ATP11B: variants seen among roughly 807,000 people sequenced by gnomAD.
ATP11B encodes the protein ATPase phospholipid transporting 11B (putative).
In ATP11B, 81 loss-of-function variants were observed where a neutral mutation model predicts 157.8. That is an observed-to-expected ratio of 0.51 (90% CI 0.43 to 0.62). ATP11B has a LOEUF of 0.62. Ranked by LOEUF, ATP11B falls within the 20% of genes least tolerant of loss-of-function variation. The pLI is 0.00. For synonymous variants in ATP11B, 451 were observed against 469.4 expected, an observed-to-expected ratio of 0.96 and a Z score of 0.51; for missense variants, 1,165 against 1,402.2, an observed-to-expected ratio of 0.83 and a Z score of 2.70.
At chr3:182,803,777 T>G (rs1716155404) in intron 1 of ATP11B, among the ~76,000 whole-genome samples, 1 of 152,228 alleles carries the variant, frequency 6.6e-6, no homozygotes, top group Non-Finnish European at 1.5e-5. Context: ...TTGTTTGCCT[T>G]CTCTGTCATA....
Position 182,919,782 on chromosome 3 carries a change from T to G in ATP11B, c.*1678T>G, listed in dbSNP as rs1725353261. The stretch of plus-strand genomic sequence containing the variant: ...TTCTTGCTAATGTAACATTTGTCTG[T>G]TCCAGTGATGTAAGGATATTAAGTT... On this transcript the variant is annotated 3_prime_UTR_variant, in exon 30 of 30. Coordinates refer to ENST00000323116, the MANE Select transcript of ATP11B (RefSeq NM_014616.3). 2 of 152,244 alleles carry G rather than the reference T, an allele frequency of 1.3e-5. No homozygotes were observed. Among genetic ancestry groups the G allele is most frequent in the African/African-American group, 4.8e-5 (2 of 41,470 alleles). 9.4% of individuals were successfully genotyped at this position (152,244 alleles called of 1,614,324 possible).
At chr3:182,801,657 A>G (rs1414850455) in intron 1 of ATP11B, among the ~76,000 whole-genome samples, 1 of 152,176 alleles carries the variant, frequency 6.6e-6, no homozygotes, top group Non-Finnish European at 1.5e-5. Flanking sequence ...AGCAAATCCC[A>G]GACATTATAT....
chr3:182,916,859 A>T (rs1057337448), intron 29 of ATP11B: 4 of 983,646 alleles, frequency 4.1e-6, no homozygotes, highest in Non-Finnish European at 4.8e-6. Context: ...GATAGCTGTT[A>T]TAGTTAAAAG....
chr3:182,877,584 G>A (rs377519015), intron 19 of ATP11B, among the ~76,000 whole-genome samples: 16 of 152,218 alleles, frequency 1.1e-4, no homozygotes, highest in East Asian at 3.8e-4. Context: ...TAAGGCTGTG[G>A]TGAGTTGTGA....
At chr3:182,869,424 G>A in intron 17 of ATP11B, 93 bp downstream of exon 17, 1 of 883,918 alleles carries the variant, frequency 1.1e-6, no homozygotes, top group East Asian at 2.7e-5. Flanking sequence ...AAAAATTGTG[G>A]ACATTCTGCA....
intron 9 of ATP11B, among the ~76,000 whole-genome samples, chr3:182,847,212 G>A (rs1274406263): frequency 2.0e-5 from 3 of 151,884 alleles, no homozygotes; most frequent in African/African-American, 2.4e-5. Flanking sequence ...CACCATGCCC[G>A]GCTAATTTTT....
At chr3:182,805,027 A>T (rs990058671) in intron 1 of ATP11B, among the ~76,000 whole-genome samples, 3 of 152,192 alleles carry the variant, frequency 2.0e-5, no homozygotes, top group African/African-American at 7.2e-5. Context: ...TCATCCATCA[A>T]TTGATGGACA....
chr3:182,915,418 G>T (rs1725073386), intron 29 of ATP11B: 1 of 985,298 alleles, frequency 1.0e-6, no homozygotes, highest in Non-Finnish European at 1.2e-6. Flanking sequence ...ATTATAAAAT[G>T]TGGCTCTGTC....
At chr3:182,887,563 T>G in intron 23 of ATP11B, 23 bp from the exon 24 acceptor site, 1 of 1,598,630 alleles carries the variant, frequency 6.3e-7, no homozygotes, top group Non-Finnish European at 8.5e-7. Flanking sequence ...AAACTCAACA[T>G]TCCTACCAAT....
rs1292739828 is a variant in ATP11B at position 182,820,304 on chromosome 3, A to T, written c.72A>T (p.Val24=). The T allele has an allele frequency of 2.5e-6, 4 of 1,614,050 alleles. No homozygotes were observed. The South Asian group carries it at 4.4e-5, about 18-fold the overall frequency. The change falls in exon 2 of 30, where the codon GTA becomes GTT. Residue 24 remains valine, a synonymous_variant. Coordinates refer to ENST00000323116, the MANE Select transcript of ATP11B (RefSeq NM_014616.3). ...AGAGTGACACAAGAACCATCTACGT[A>T]GCCAACAGGTTTCCTCAGAATGGCC... The part of the protein sequence containing the change: ...PHQSDTRTIY[V]ANRFPQNGLY...
chr3:182,888,858 C>CTTTTTT (rs565378947), intron 24 of ATP11B, among the ~76,000 whole-genome samples: 1 of 124,956 alleles, frequency 8.0e-6, no homozygotes, highest in African/African-American at 3.0e-5. Flanking sequence ...TATCATATTT[C>CTTTTTT]TTTTTTTTTT....
rs750822676 is a variant in ATP11B at position 182,881,050 on chromosome 3, A to C, written c.2509+69A>C. 679 of 1,235,590 alleles carry C rather than the reference A, an allele frequency of 5.5e-4. 1 individual carries two copies. The highest frequency in any genetic ancestry group is 6.9e-4 in the Non-Finnish European group (609 of 879,634). The allele number at this position is 1,235,590 out of a possible 1,614,324, so 76.5% of individuals were successfully genotyped here. ...TGGTGGTATTATTTGGTGGTTTTTA[A>C]TTTTCTTTTTGTAGATTAAAGTACA... is the stretch of plus-strand genomic sequence containing the variant. On this transcript the variant is annotated intron_variant, in intron 21 of 29. Transcript: ENST00000323116.
chr3:182,801,379 A>G (rs1716003441), intron 1 of ATP11B, among the ~76,000 whole-genome samples: 1 of 152,190 alleles, frequency 6.6e-6, no homozygotes, highest in Non-Finnish European at 1.5e-5. Context: ...ACAGAAACAG[A>G]TGTTGTATAT....
intron 1 of ATP11B, among the ~76,000 whole-genome samples, chr3:182,805,229 T>C (rs1716253359): frequency 6.6e-6 from 1 of 152,244 alleles, no homozygotes; most frequent in African/African-American, 2.4e-5. Context: ...CTGGACCATT[T>C]TACATTCCCA....
chr3:182,833,834 G>C (rs1718338637), intron 4 of ATP11B: 3 of 152,192 alleles, frequency 2.0e-5, no homozygotes, highest in African/African-American at 7.2e-5. Context: ...CTTGGGCAAA[G>C]GCCCAAGTGC....
intron 25 of ATP11B, among the ~76,000 whole-genome samples, chr3:182,890,826 GGT>G (rs1406266775): frequency 6.6e-6 from 1 of 152,098 alleles, no homozygotes; most frequent in African/African-American, 2.4e-5. Flanking sequence ...ACCTCAGAGA[GGT>G]TAAGAAACTT....
At chr3:182,879,337 A>C (rs1560108236) in intron 19 of ATP11B, among the ~76,000 whole-genome samples, 159 bp from the exon 20 acceptor site, 1 of 152,252 alleles carries the variant, frequency 6.6e-6, no homozygotes, top group Non-Finnish European at 1.5e-5. Flanking sequence ...TTTTAAATTT[A>C]AGGTAGTAAA....
intron 25 of ATP11B, among the ~76,000 whole-genome samples, chr3:182,892,036 T>G (rs1361994919): frequency 1.3e-5 from 2 of 152,200 alleles, no homozygotes; most frequent in Non-Finnish European, 2.9e-5. Context: ...AGTCATTATA[T>G]TGGAAGATCA....
intron 29 of ATP11B, chr3:182,917,654 GT>G (rs1438262206): frequency 2.0e-6 from 2 of 985,102 alleles, no homozygotes; most frequent in Non-Finnish European, 2.4e-6. Flanking sequence ...TGGGATTTGG[GT>G]TTGTTTTTGT....
Sources: gnomAD v4.1 joint callset for allele counts (sites outside exome capture counted in the v4.1 genomes callset) on GRCh38, gnomAD v4.1.1 for gene constraint, MANE v1.5 for transcripts, NCBI Gene and HGNC (gene_info 2026-07-23, HGNC 2026-07-21) for gene names.